MRTFB: variants seen among roughly 807,000 people sequenced by gnomAD.
The protein encoded by MRTFB is myocardin-related transcription factor B.
A neutral mutation model predicts 104.2 loss-of-function variants in MRTFB; 29 were observed. The observed-to-expected ratio is 0.28, with a 90% CI of 0.21 to 0.38. MRTFB has a LOEUF of 0.38. MRTFB is among the 10% of genes least tolerant of loss of function. The probability of loss-of-function intolerance (pLI) is 1.00; values close to 1 mark genes in which losing one functional copy is unlikely to be tolerated. For missense variants in MRTFB, 1,270 were observed against 1,341.6 expected (o/e 0.95, Z 0.83); for synonymous variants, 535 against 519.5 (o/e 1.03, Z -0.41).
Position 14,258,088 on chromosome 16 carries a change from T to C in MRTFB, c.2704-13T>C, listed in dbSNP as rs1442275525. On this transcript the variant is annotated splice_polypyrimidine_tract_variant and intron_variant, in intron 15 of 16. Coordinates refer to ENST00000571589, the MANE Select transcript of MRTFB (RefSeq NM_001308142.2). ...TATGAAAGAAACCTAATTTGTACTC[T>C]CCTTCATTGTAGATTTCCAACGCTC... 1.2e-6 allele frequency: 2 copies of C among 1,612,250 alleles called. No homozygotes were observed. The highest frequency in any genetic ancestry group is 2.2e-5 in the East Asian group (1 of 44,840).
At chr16:14,044,356 C>T in the MRTFB span, among the ~76,000 whole-genome samples, 153 of 152,340 alleles carry the variant, frequency 1.0e-3, 1 homozygote, top group Non-Finnish European at 2.9e-4. Flanking sequence ...GAGAGCCTTA[C>T]GGTCCCATGT....
chr16:14,184,276 G>T (rs909097377), intron 3 of MRTFB, among the ~76,000 whole-genome samples: 2 of 149,432 alleles, frequency 1.3e-5, no homozygotes, highest in African/African-American at 2.5e-5. Context: ...AGGCTGGAGT[G>T]CAGTGGCACA....
intron 3 of MRTFB, among the ~76,000 whole-genome samples, chr16:14,203,388 A>G (rs769573083): frequency 6.6e-6 from 1 of 152,116 alleles, no homozygotes; most frequent in Non-Finnish European, 1.5e-5. Context: ...TTGGTAACAT[A>G]CAGTCCTCTA....
At chr16:14,212,479 C>G in intron 5 of MRTFB, 70 bp downstream of exon 5, 2 of 1,408,332 alleles carry the variant, frequency 1.4e-6, no homozygotes, top group East Asian at 2.3e-5. Context: ...TACCTGTGTA[C>G]AAGTAGCAGT....
At chr16:14,258,068 A>G in intron 15 of MRTFB, 33 bp from the exon 16 acceptor site, 3 of 1,592,884 alleles carry the variant, frequency 1.9e-6, no homozygotes, top group Non-Finnish European at 8.6e-7. Flanking sequence ...GTTTGTATGA[A>G]AGAAACCTAA....
At chr16:14,200,919 A>G in intron 3 of MRTFB, 1 of 1,450,676 alleles carries the variant, frequency 6.9e-7, no homozygotes, top group Non-Finnish European at 9.7e-7. Flanking sequence ...TGGCTACTTT[A>G]TATTTTGGAA....
rs764406572 is a variant in MRTFB at position 14,213,659 on chromosome 16, C to T, written c.352+39C>T. 11 of 1,393,668 alleles carry T rather than the reference C, an allele frequency of 7.9e-6. No homozygotes were observed. The Admixed American group carries it at 1.1e-4, about 14-fold the overall frequency. The allele number at this position is 1,393,668 out of a possible 1,614,324, so 86.3% of individuals were successfully genotyped here. ...TTCTTCTTAATCTGCTGTATTTTTT[C>T]AAGAAAAGAAGTGAGAATTTCCACC... is the stretch of plus-strand genomic sequence containing the variant. On this transcript the variant is annotated intron_variant, in intron 6 of 16. Transcript: ENST00000571589.
upstream of MRTFB, among the ~76,000 whole-genome samples, chr16:14,069,172 T>C (rs148300889): frequency 0.032 from 4,818 of 152,164 alleles, 245 homozygotes; most frequent in African/African-American, 0.1. Context: ...GGTTTCACCA[T>C]GTTGGCCAGG....
chr16:14,217,031 TA>T, intron 6 of MRTFB, 94 bp from the exon 7 acceptor site: 1 of 1,284,576 alleles, frequency 7.8e-7, no homozygotes, highest in Non-Finnish European at 1.1e-6. Flanking sequence ...AAAATGTGTC[TA>T]AATCAGTTTA....
chr16:14,034,923 G>C, the MRTFB span, among the ~76,000 whole-genome samples: 1 of 152,156 alleles, frequency 6.6e-6, no homozygotes, highest in South Asian at 2.1e-4. Context: ...ACTTCTCCTT[G>C]AGTGTCCGGG....
At chr16:14,014,430 C>A in the MRTFB span, among the ~76,000 whole-genome samples, 5 of 152,130 alleles carry the variant, frequency 3.3e-5, no homozygotes, top group African/African-American at 9.7e-5. Context: ...GTGGCACACG[C>A]CTACAGTCCC....
Position 14,207,525 on chromosome 16 carries a change from C to T in MRTFB, c.155-2718C>T, listed in dbSNP as rs1597250264. On this transcript the variant is annotated intron_variant, in intron 3 of 16. Coordinates refer to ENST00000571589, the MANE Select transcript of MRTFB (RefSeq NM_001308142.2). ...CCAGTTCTTGACAAAGAGCTTCTTT[C>T]TAAGATCCTTGGACTCTCTGGAGTG... 4.6e-5 allele frequency among the ~76,000 whole-genome samples: 7 copies of T among 152,304 alleles called. 1 individual carries two copies. The highest frequency in any genetic ancestry group is 4.6e-4 in the Admixed American group (7 of 15,294).
Position 14,262,247 on chromosome 16 carries a change from T to G in MRTFB, c.*803T>G. ...CATTTGTATGTATGCTCTGACATTG[T>G]GATTTGTACAGCCTACGCTGGGGTA... On this transcript the variant is annotated 3_prime_UTR_variant, in exon 17 of 17. Transcript: ENST00000571589. The G allele has an allele frequency of 6.6e-6, 1 of 152,210 alleles. No individual in the cohort carries two copies. Among genetic ancestry groups the G allele is most frequent in the South Asian group, 2.1e-4 (1 of 4,832 alleles). 9.4% of individuals were successfully genotyped at this position (152,210 alleles called of 1,614,324 possible).
chr16:14,127,902 T>C (rs1361961382), intron 2 of MRTFB, among the ~76,000 whole-genome samples: 1 of 35,772 alleles, frequency 2.8e-5, no homozygotes, highest in Admixed American at 2.6e-4. Context: ...CAAAACTGAA[T>C]ATATATATAT....
chr16:14,235,959 T>G (rs1045318301), intron 9 of MRTFB, among the ~76,000 whole-genome samples: 1 of 152,164 alleles, frequency 6.6e-6, no homozygotes, highest in African/African-American at 2.4e-5. Flanking sequence ...GGCAGGCAGA[T>G]TGCTTGAGCT....
At chr16:14,140,511 C>A in intron 2 of MRTFB, 33 bp from the exon 3 acceptor site, 1 of 1,455,906 alleles carries the variant, frequency 6.9e-7, no homozygotes, top group Non-Finnish European at 9.4e-7. Context: ...AACATAACTG[C>A]ACCATCTCTT....
chr16:14,210,416 A>T, intron 4 of MRTFB, 108 bp downstream of exon 4: 1 of 777,814 alleles, frequency 1.3e-6, no homozygotes, highest in Non-Finnish European at 2.0e-6. Flanking sequence ...TTTAATCAAC[A>T]AACAATTACC....
chr16:14,120,028 G>A (rs975096309), intron 2 of MRTFB, among the ~76,000 whole-genome samples: 5 of 152,158 alleles, frequency 3.3e-5, no homozygotes, highest in Non-Finnish European at 7.4e-5. Flanking sequence ...TTTTGCCAAT[G>A]TGAAATAGTA....
At chr16:14,120,975 A>C (rs2036815606) in intron 2 of MRTFB, among the ~76,000 whole-genome samples, 1 of 152,174 alleles carries the variant, frequency 6.6e-6, no homozygotes, top group South Asian at 2.1e-4. Context: ...TCAAGAAGTT[A>C]TTTGTGCATT....
Sources: allele counts gnomAD v4.1 joint callset (sites outside exome capture counted in the v4.1 genomes callset), GRCh38; gene constraint gnomAD v4.1.1; transcripts MANE v1.5; gene names NCBI Gene and HGNC (gene_info 2026-07-23, HGNC 2026-07-21).